The following TYW1 variants were observed in gnomAD, a reference collection of about 807,000 sequenced individuals.
TYW1 encodes tRNA-yW synthesizing protein 1 homolog.
TYW1 carries 46 observed loss-of-function variants against 96.2 expected under a neutral mutation model. The ratio of observed to expected loss-of-function variants is 0.48; its 90% CI spans 0.38 to 0.61. The LOEUF (loss-of-function observed/expected upper bound fraction) is 0.61. Among genes scored for constraint, TYW1 ranks in the 20% least tolerant of loss-of-function variants. TYW1 has a pLI of 0.00. For missense variants in TYW1, 684 were observed against 909.6 expected (o/e 0.75, Z 3.19); for synonymous variants, 274 against 323.0 (o/e 0.85, Z 1.63).
intron 13 of TYW1, among the ~76,000 whole-genome samples, chr7:67,126,559 TTC>T (rs56707770): frequency 0.28 from 41,923 of 151,962 alleles, 6,605 homozygotes; most frequent in African/African-American, 0.44. Context: ...CATCTAGACT[TTC>T]TCCTGTGTTA....
chr7:67,066,656 C>T (rs1387989621), intron 9 of TYW1, among the ~76,000 whole-genome samples: 1 of 152,136 alleles, frequency 6.6e-6, no homozygotes, highest in Non-Finnish European at 1.5e-5. Context: ...CAAGACCAGC[C>T]TGGGCAACAT....
intron 13 of TYW1, among the ~76,000 whole-genome samples, chr7:67,119,706 CT>C (rs1411118611): frequency 6.6e-6 from 1 of 152,096 alleles, no homozygotes; most frequent in African/African-American, 2.4e-5. Context: ...GTCTTAGCTG[CT>C]CTCTCCTGAG....
chr7:67,064,563 G>C (rs1026465578), intron 9 of TYW1, among the ~76,000 whole-genome samples: 1 of 152,156 alleles, frequency 6.6e-6, no homozygotes, highest in Non-Finnish European at 1.5e-5. Flanking sequence ...GAGGCAAAAG[G>C]CACTTTTTAC....
chr7:67,076,508 C>CT (rs762889881), intron 10 of TYW1, among the ~76,000 whole-genome samples: 25 of 151,702 alleles, frequency 1.6e-4, no homozygotes, highest in Non-Finnish European at 1.9e-4. Context: ...CAGAGTCTCG[C>CT]TCTTTTGCCC....
Position 67,160,710 on chromosome 7 carries a change from G to A in TYW1, c.1699-22416G>A, listed in dbSNP as rs190224442. Among the ~76,000 whole-genome samples, 419 of 150,618 alleles carry A rather than the reference G, an allele frequency of 2.8e-3. 5 individuals are homozygous for A. The highest frequency in any genetic ancestry group is 2.5e-3 in the Non-Finnish European group (172 of 67,838). ...GGGTTCAAGCAATTCTCCTGCCTCA[G>A]TCTCCTGTGTAGCTAGGATTATAGG... On this transcript the variant is annotated intron_variant, in intron 13 of 15. Transcript: ENST00000359626.
intron 13 of TYW1, among the ~76,000 whole-genome samples, chr7:67,144,486 T>TG (rs1348208786): frequency 6.6e-6 from 1 of 152,018 alleles, no homozygotes; most frequent in Non-Finnish European, 1.5e-5. Context: ...TGTTTTGTTT[T>TG]TTTGAGCTGG....
At chr7:67,159,422 G>A (rs1799086480) in intron 13 of TYW1, among the ~76,000 whole-genome samples, 1 of 152,170 alleles carries the variant, frequency 6.6e-6, no homozygotes, top group Non-Finnish European at 1.5e-5. Flanking sequence ...CTTACATGAT[G>A]AAGTACAACT....
intron 15 of TYW1, among the ~76,000 whole-genome samples, chr7:67,207,902 G>A (rs1164316549): frequency 6.6e-6 from 1 of 151,932 alleles, no homozygotes; most frequent in East Asian, 1.9e-4. Context: ...TGTATTTTTA[G>A]TAGAGATGGG....
intron 5 of TYW1, among the ~76,000 whole-genome samples, chr7:67,015,567 G>T (rs1793986828): frequency 1.3e-5 from 2 of 152,070 alleles, no homozygotes; most frequent in Admixed American, 1.3e-4. Context: ...GCCCAGGCTT[G>T]GTTCAAACTC....
At chr7:67,149,383 T>C (rs1798717506) in intron 13 of TYW1, among the ~76,000 whole-genome samples, 1 of 152,214 alleles carries the variant, frequency 6.6e-6, no homozygotes, top group African/African-American at 2.4e-5. Context: ...TTTATGGCAG[T>C]GTGAAGATGG....
intron 15 of TYW1, among the ~76,000 whole-genome samples, chr7:67,220,366 G>C (rs1801349128): frequency 1.3e-5 from 2 of 151,812 alleles, no homozygotes; most frequent in Admixed American, 1.3e-4. Flanking sequence ...ACCATGCCTG[G>C]CTAATTTTTT....
chr7:67,045,736 A>G (rs1410119581), intron 7 of TYW1, among the ~76,000 whole-genome samples: 3 of 152,142 alleles, frequency 2.0e-5, no homozygotes, highest in Non-Finnish European at 2.9e-5. Flanking sequence ...GTTTTCTTTC[A>G]AGGCAAGTGT....
At chr7:67,099,931 G>A (rs1443799339) in intron 12 of TYW1, among the ~76,000 whole-genome samples, 1 of 152,138 alleles carries the variant, frequency 6.6e-6, no homozygotes, top group African/African-American at 2.4e-5. Context: ...GAACCCGGGA[G>A]GCGGAGGTTT....
intron 12 of TYW1, among the ~76,000 whole-genome samples, chr7:67,111,280 T>C (rs1032145840): frequency 3.3e-5 from 5 of 152,040 alleles, no homozygotes; most frequent in Admixed American, 2.6e-4. Flanking sequence ...CTCAGCTCAC[T>C]GCAACCTCCG....
chr7:67,069,682 T>C (rs1795974581), intron 10 of TYW1, among the ~76,000 whole-genome samples: 1 of 151,880 alleles, frequency 6.6e-6, no homozygotes, highest in African/African-American at 2.4e-5. Context: ...GAGGGTGCAA[T>C]GAGCCTTGAT....
chr7:67,026,077 T>G (rs150862490), intron 7 of TYW1, among the ~76,000 whole-genome samples: 1 of 152,162 alleles, frequency 6.6e-6, no homozygotes, highest in East Asian at 1.9e-4. Flanking sequence ...GATTAATTTA[T>G]TTTTTATTTT....
chr7:67,129,894 A>G (rs55647442), intron 13 of TYW1, among the ~76,000 whole-genome samples: 42,117 of 152,132 alleles, frequency 0.28, 6,682 homozygotes, highest in African/African-American at 0.44. Context: ...CAGTTGGGAT[A>G]TAACTTAGCA....
chr7:67,075,226 A>G (rs1796165062), intron 10 of TYW1, among the ~76,000 whole-genome samples: 1 of 152,146 alleles, frequency 6.6e-6, no homozygotes, highest in East Asian at 1.9e-4. Flanking sequence ...CATATTTACC[A>G]TTGTGTGTCT....
At chr7:67,144,860 A>G (rs1161115615) in intron 13 of TYW1, among the ~76,000 whole-genome samples, 2 of 152,056 alleles carry the variant, frequency 1.3e-5, no homozygotes, top group African/African-American at 4.8e-5. Flanking sequence ...CAACATTTAT[A>G]TTTATTTCCA....
Sources: gnomAD v4.1 joint callset for allele counts (sites outside exome capture counted in the v4.1 genomes callset) on GRCh38, gnomAD v4.1.1 for gene constraint, MANE v1.5 for transcripts, NCBI Gene and HGNC (gene_info 2026-07-23, HGNC 2026-07-21) for gene names.